The following SNX15 variants were observed in gnomAD, a reference collection of about 807,000 sequenced individuals.
SNX15 encodes the protein sorting nexin-15.
Under a neutral mutation model 35.2 loss-of-function variants are expected in SNX15, and 29 were observed. The observed-to-expected ratio is 0.82, with a 90% CI of 0.61 to 1.12. The LOEUF is 1.12. Among genes scored for constraint, SNX15 ranks in the 50% most tolerant of loss-of-function variants. SNX15 has a pLI of 0.00. For missense variants in SNX15, 400 were observed against 451.5 expected, an observed-to-expected ratio of 0.89 and a Z score of 1.03; for synonymous variants, 189 against 188.2, an observed-to-expected ratio of 1.00 and a Z score of -0.03.
At position 65,039,814 on chromosome 11, in the gene SNX15, G is replaced by T; in HGVS notation, c.*22G>T. 1 of 1,521,348 alleles carries T rather than the reference G, an allele frequency of 6.6e-7. No individual in the cohort carries two copies. Among genetic ancestry groups the T allele is most frequent in the East Asian group, 2.3e-5 (1 of 43,724 alleles). 94.2% of individuals were successfully genotyped at this position (1,521,348 alleles called of 1,614,324 possible). A position where few individuals can be genotyped will look rare whatever the true frequency, so the allele number is the denominator to read the frequency against. Reference sequence around the variant, plus strand: ...CTAACAGGGAGTGGGCCATTCCCTGGGACTCTCGCTCCTGCACTGCCAGCC... The same window carrying T: ...CTAACAGGGAGTGGGCCATTCCCTGTGACTCTCGCTCCTGCACTGCCAGCC... On this transcript the variant is annotated 3_prime_UTR_variant, in exon 8 of 8. Coordinates refer to ENST00000377244, the MANE Select transcript of SNX15 (RefSeq NM_013306.5).
chr11:65,034,732 G>C, intron 3 of SNX15, 115 bp from the exon 4 acceptor site: 2 of 721,506 alleles, frequency 2.8e-6, no homozygotes, highest in East Asian at 2.7e-5. Flanking sequence ...AGAATGGGTA[G>C]GAGGGCAGTG....
rs1333447965 is a variant in SNX15, at chr11:65,032,435, TG to T, written c.142del (p.Val48SerfsTer45). On this transcript the variant is annotated frameshift_variant, in exon 3 of 8. Transcript: ENST00000377244. LOFTEE classifies it high-confidence loss of function. ...CAAGTCTCATGTACCTCATAGGTGG[TG>T]GTCTGGAAGCGGTACAGCGACTTCC... Reference protein sequence around the residue: ...KKDPEDVKEVVVWKRYSDFRK... With the variant: ...KKDPEDVKEVXVWKRYSDFRK... 3.7e-6 allele frequency: 6 copies of T among 1,613,932 alleles called. No homozygotes were observed. Among genetic ancestry groups the T allele is most frequent in the Non-Finnish European group, 5.1e-6 (6 of 1,180,008 alleles).
chr11:65,027,463 G>C lies in SNX15; in HGVS notation c.-75G>C. On this transcript the variant is annotated 5_prime_UTR_variant, in exon 1 of 8. Transcript: ENST00000377244. ...CGCAGGCCTGGCGAGGCGGCGGCGG[G>C]CGGAGGCTGGGCCGGAGGGGTGGGG... 2 of 1,208,274 alleles carry C rather than the reference G, an allele frequency of 1.7e-6. No homozygotes were observed. The highest frequency in any genetic ancestry group is 2.4e-5 in the South Asian group (2 of 82,410). The allele number at this position is 1,208,274 out of a possible 1,614,324, so 74.8% of individuals were successfully genotyped here. A position where few individuals can be genotyped will look rare whatever the true frequency, so the allele number is the denominator to read the frequency against.
chr11:65,032,737 C>T (rs552913230), intron 3 of SNX15, among the ~76,000 whole-genome samples, 186 bp downstream of exon 3: 1 of 152,298 alleles, frequency 6.6e-6, no homozygotes, highest in East Asian at 1.9e-4. Context: ...CTAACCCTTA[C>T]TGTGTATTTC....
At chr11:65,039,497 C>T (rs1389692662) in intron 7 of SNX15, among the ~76,000 whole-genome samples, 189 bp from the exon 8 acceptor site, 8 of 152,326 alleles carry the variant, frequency 5.3e-5, no homozygotes, top group African/African-American at 1.9e-4. Context: ...GCTGGGATTA[C>T]AGGCGTGAGC....
At chr11:65,035,413 C>A in intron 5 of SNX15, 107 bp from the exon 6 acceptor site, 1 of 1,346,154 alleles carries the variant, frequency 7.4e-7, no homozygotes, top group Non-Finnish European at 1.0e-6. Context: ...TAATAACAGG[C>A]TTGTCTATGC....
At chr11:65,029,126 T>A (rs555747407) in intron 1 of SNX15, among the ~76,000 whole-genome samples, 2 of 135,256 alleles carry the variant, frequency 1.5e-5, no homozygotes, top group African/African-American at 5.3e-5. Flanking sequence ...AATAAATAAA[T>A]AAAAATAAGT....
chr11:65,031,788 T>G (rs577141057), intron 1 of SNX15, among the ~76,000 whole-genome samples: 1 of 152,206 alleles, frequency 6.6e-6, no homozygotes, highest in Non-Finnish European at 1.5e-5. Context: ...CTGTAGCTTC[T>G]TGGGAGGCTG....
intron 1 of SNX15, among the ~76,000 whole-genome samples, chr11:65,030,205 C>T (rs986664889): frequency 6.6e-6 from 1 of 151,630 alleles, no homozygotes; most frequent in African/African-American, 2.4e-5. Flanking sequence ...AAGTACAAAA[C>T]GTAGCTGGGC....
intron 1 of SNX15, among the ~76,000 whole-genome samples, chr11:65,031,675 G>A (rs766380395): frequency 6.8e-4 from 104 of 152,156 alleles, no homozygotes; most frequent in Admixed American, 1.3e-4. Context: ...AGGCTGAGGC[G>A]GGCGGATCAC....
intron 1 of SNX15, 56 bp downstream of exon 1, chr11:65,027,692 T>C: frequency 7.5e-7 from 1 of 1,335,796 alleles, no homozygotes; most frequent in Non-Finnish European, 1.1e-6. Context: ...CGCCGAGTTT[T>C]ACCTTAAGGA....
chr11:65,038,353 GGAAGGTAAGGCTGTTTTTACA>G (rs1212159518), intron 6 of SNX15, 198 bp from the exon 7 acceptor site: 1 of 1,176,430 alleles, frequency 8.5e-7, no homozygotes, highest in Non-Finnish European at 1.1e-6. Flanking sequence ...GACATAATTA[GGAAGGTAAGGCTGTTTTTACA>G]GAAGCACATG....
intron 3 of SNX15, among the ~76,000 whole-genome samples, chr11:65,033,439 G>A (rs1298827150): frequency 6.6e-6 from 1 of 150,400 alleles, no homozygotes; most frequent in Admixed American, 6.7e-5. Flanking sequence ...AGCTACTCAG[G>A]AAGCTGAGGA....
rs1946492572 is a variant in SNX15 at position 65,035,583 on chromosome 11, C to A, written c.584C>A (p.Thr195Asn). Reference protein sequence around the residue: ...ALDLLFNCESTEEASGSPARG... With the variant: ...ALDLLFNCESNEEASGSPARG... ...GATCTCCTCTTTAACTGTGAGAGCA[C>A]CGAGGAGGCATCTGGTTCCCCTGCC... The change falls in exon 6 of 8, where the codon ACC becomes AAC. Residue 195 changes from threonine to asparagine, a missense_variant. Transcript: ENST00000377244. 1.2e-6 allele frequency: 2 copies of A among 1,613,840 alleles called. No homozygotes were observed. The highest frequency in any genetic ancestry group is 2.7e-5 in the African/African-American group (2 of 74,940).
At chr11:65,035,763 A>G (rs1946495430) in intron 6 of SNX15, 100 bp downstream of exon 6, 3 of 1,288,472 alleles carry the variant, frequency 2.3e-6, no homozygotes, top group South Asian at 3.0e-5. Flanking sequence ...TGCGCAGATC[A>G]GGGAGAGACG....
chr11:65,030,540 C>A (rs1376357368), intron 1 of SNX15, among the ~76,000 whole-genome samples: 1 of 145,960 alleles, frequency 6.9e-6, no homozygotes, highest in African/African-American at 2.6e-5. Context: ...CACTGTGTTG[C>A]CAGGCTGGAG....
intron 3 of SNX15, among the ~76,000 whole-genome samples, chr11:65,033,997 C>T (rs751331032): frequency 6.6e-6 from 1 of 152,064 alleles, no homozygotes; most frequent in Non-Finnish European, 1.5e-5. Flanking sequence ...TGTGAGCCAC[C>T]GCACCTGGCC....
chr11:65,032,204 G>T lies in SNX15; in HGVS notation c.135+1G>T. 1 of 1,613,998 alleles carries T rather than the reference G, an allele frequency of 6.2e-7. No individual in the cohort carries two copies. The highest frequency in any genetic ancestry group is 8.5e-7 in the Non-Finnish European group (1 of 1,179,836). On this transcript the variant is annotated splice_donor_variant, in intron 2 of 7. Coordinates refer to ENST00000377244, the MANE Select transcript of SNX15 (RefSeq NM_013306.5). LOFTEE classifies it high-confidence loss of function. ...GAAGGACCCAGAGGATGTCAAAGAG[G>T]TGAGGCTCCTGGGAGGAAGAGGGAC...
intron 6 of SNX15, 193 bp from the exon 7 acceptor site, chr11:65,038,379 C>T (rs1255458452): frequency 1.1e-4 from 129 of 1,126,594 alleles, no homozygotes; most frequent in Non-Finnish European, 1.4e-4. Flanking sequence ...TTTACAGAAG[C>T]ACATGAACCC....
Sources: gnomAD v4.1 joint callset for allele counts (sites outside exome capture counted in the v4.1 genomes callset) on GRCh38, gnomAD v4.1.1 for gene constraint, MANE v1.5 for transcripts, NCBI Gene and HGNC (gene_info 2026-07-23, HGNC 2026-07-21) for gene names.